VWC2L: variants seen among roughly 807,000 people sequenced by gnomAD.
VWC2L encodes von Willebrand factor C domain-containing protein 2-like.
In VWC2L, 10 loss-of-function variants were observed where a neutral mutation model predicts 21.6. The ratio of observed to expected loss-of-function variants is 0.46; its 90% confidence interval spans 0.29 to 0.78. The LOEUF (loss-of-function observed/expected upper bound fraction) is 0.78, where lower values mean the gene tolerates loss of function less well. Ranked by LOEUF, VWC2L falls within the 30% of genes least tolerant of loss-of-function variation. The probability of loss-of-function intolerance (pLI) is 0.10; values close to 1 mark genes in which losing one functional copy is unlikely to be tolerated. For synonymous variants in VWC2L, 96 were observed against 94.3 expected (o/e 1.02, Z -0.10); for missense variants, 209 against 277.1 (o/e 0.75, Z 1.74).
At chr2:214,449,630 G>C (rs375775112) in intron 3 of VWC2L, among the ~76,000 whole-genome samples, 1 of 152,190 alleles carries the variant, frequency 6.6e-6, no homozygotes, top group Non-Finnish European at 1.5e-5. Flanking sequence ...CCCTTGCAGC[G>C]AGACCTCTGA....
intron 3 of VWC2L, among the ~76,000 whole-genome samples, chr2:214,539,864 T>G (rs1689600475): frequency 6.6e-6 from 1 of 152,198 alleles, no homozygotes; most frequent in South Asian, 2.1e-4. Context: ...AATAATTTTT[T>G]AAAGTAAAGA....
At chr2:214,545,402 T>C (rs1388427986) in intron 3 of VWC2L, among the ~76,000 whole-genome samples, 2 of 152,176 alleles carry the variant, frequency 1.3e-5, no homozygotes, top group African/African-American at 4.8e-5. Context: ...CTGTTGCTTT[T>C]TGGATTCATG....
At chr2:214,480,483 G>A (rs537994798) in intron 3 of VWC2L, among the ~76,000 whole-genome samples, 1 of 152,242 alleles carries the variant, frequency 6.6e-6, no homozygotes, top group South Asian at 2.1e-4. Context: ...GTTCATCTGC[G>A]AATATTAGAA....
Position 214,578,038 on chromosome 2 carries a change from C to A in VWC2L, c.*2218C>A, listed in dbSNP as rs1254876048. On this transcript the variant is annotated 3_prime_UTR_variant, in exon 4 of 4. Transcript: ENST00000312504. ...CACTCAAAAGTAAAGGAATTCCACA[C>A]TTTAGCTTATGTCTAGACAGAGATG... 1.3e-5 allele frequency: 2 copies of A among 152,118 alleles called. No individual in the cohort carries two copies. Among genetic ancestry groups the A allele is most frequent in the African/African-American group, 4.8e-5 (2 of 41,430 alleles). The allele number at this position is 152,118 out of a possible 1,614,324, so 9.4% of individuals were successfully genotyped here.
At chr2:214,537,698 G>A (rs1051354236) in intron 3 of VWC2L, among the ~76,000 whole-genome samples, 12 of 151,924 alleles carry the variant, frequency 7.9e-5, no homozygotes, top group Non-Finnish European at 1.2e-4. Flanking sequence ...AACATTATGC[G>A]TACCACATAA....
intron 3 of VWC2L, among the ~76,000 whole-genome samples, chr2:214,480,619 A>G (rs959523792): frequency 6.6e-6 from 1 of 152,146 alleles, no homozygotes; most frequent in African/African-American, 2.4e-5. Flanking sequence ...CTTTCATCTT[A>G]TTAGTCCACT....
intron 3 of VWC2L, among the ~76,000 whole-genome samples, chr2:214,533,793 T>C (rs2105917342): frequency 1.3e-5 from 2 of 152,264 alleles, no homozygotes; most frequent in South Asian, 4.1e-4. Context: ...TGCCTTGAAT[T>C]ATCTGTATAC....
At chr2:214,575,423 T>C (rs1227714055) in intron 3 of VWC2L, among the ~76,000 whole-genome samples, 1 of 151,800 alleles carries the variant, frequency 6.6e-6, no homozygotes, top group Non-Finnish European at 1.5e-5. Context: ...AAGCAGAAAA[T>C]ACGATTTTTT....
At chr2:214,472,271 A>T (rs1703321087) in intron 3 of VWC2L, 1 of 152,232 alleles carries the variant, frequency 6.6e-6, no homozygotes. Context: ...GATAGATATC[A>T]TTAGAGTCAC....
chr2:214,412,313 G>A (rs1051917393), intron 1 of VWC2L, among the ~76,000 whole-genome samples: 2 of 152,026 alleles, frequency 1.3e-5, no homozygotes, highest in African/African-American at 4.8e-5. Flanking sequence ...GACAGATATT[G>A]CTGGAATATT....
intron 3 of VWC2L, among the ~76,000 whole-genome samples, chr2:214,487,625 A>C (rs111918372): frequency 6.6e-6 from 1 of 152,130 alleles, no homozygotes; most frequent in Non-Finnish European, 1.5e-5. Context: ...GAATAGAAGT[A>C]AGCCAAAGAC....
At chr2:214,509,630 TGTC>T (rs1689023013) in intron 3 of VWC2L, among the ~76,000 whole-genome samples, 1 of 152,218 alleles carries the variant, frequency 6.6e-6, no homozygotes, top group African/African-American at 2.4e-5. Context: ...TCTTCCTCAC[TGTC>T]TTCTCCCACC....
At chr2:214,569,378 T>A (rs1038575738) in intron 3 of VWC2L, among the ~76,000 whole-genome samples, 1 of 152,044 alleles carries the variant, frequency 6.6e-6, no homozygotes, top group Non-Finnish European at 1.5e-5. Flanking sequence ...TTCAGTGACT[T>A]CCCAATGCTT....
chr2:214,459,589 T>C (rs188085588), intron 3 of VWC2L, among the ~76,000 whole-genome samples: 54 of 152,330 alleles, frequency 3.5e-4, no homozygotes, highest in African/African-American at 1.3e-3. Flanking sequence ...TGAGGGTTGA[T>C]ATTGTCCTTT....
intron 3 of VWC2L, among the ~76,000 whole-genome samples, chr2:214,503,655 T>C (rs964046038): frequency 6.6e-5 from 10 of 151,994 alleles, no homozygotes; most frequent in African/African-American, 2.4e-4. Context: ...GGAGTCTGCA[T>C]TTTTGCTGAG....
intron 3 of VWC2L, among the ~76,000 whole-genome samples, chr2:214,541,599 G>A (rs1689628449): frequency 6.6e-6 from 1 of 152,170 alleles, no homozygotes; most frequent in Non-Finnish European, 1.5e-5. Context: ...TTGAGTTTGG[G>A]CTAGGGTAGT....
At chr2:214,418,559 A>G (rs963641108) in intron 2 of VWC2L, among the ~76,000 whole-genome samples, 8 of 152,318 alleles carry the variant, frequency 5.3e-5, no homozygotes, top group African/African-American at 1.4e-4. Context: ...CGTCTCTTCC[A>G]TTAGTCATTG....
intron 3 of VWC2L, among the ~76,000 whole-genome samples, chr2:214,566,232 T>C (rs531871316): frequency 6.6e-6 from 1 of 152,276 alleles, no homozygotes; most frequent in African/African-American, 2.4e-5. Context: ...CTCCTGAATG[T>C]GAGACTAGAC....
intron 3 of VWC2L, among the ~76,000 whole-genome samples, chr2:214,489,057 A>G (rs1313875242): frequency 6.6e-6 from 1 of 152,150 alleles, no homozygotes; most frequent in Admixed American, 6.5e-5. Flanking sequence ...ATATATTCAA[A>G]CTACAGCAGC....
Sources: allele counts gnomAD v4.1 joint callset (sites outside exome capture counted in the v4.1 genomes callset), GRCh38; gene constraint gnomAD v4.1.1; transcripts MANE v1.5; gene names NCBI Gene and HGNC (gene_info 2026-07-23, HGNC 2026-07-21).